The following ELP3 variants were observed in gnomAD, a reference collection of about 807,000 sequenced individuals.
ELP3 encodes the protein elongator acetyltransferase complex subunit 3.
Under a neutral mutation model 74.9 loss-of-function variants are expected in ELP3, and 56 were observed. That is an observed-to-expected ratio of 0.75 (90% CI 0.60 to 0.93). The LOEUF (loss-of-function observed/expected upper bound fraction) is 0.93. Among genes scored for constraint, ELP3 ranks in the 40% least tolerant of loss-of-function variants. ELP3 has a pLI of 0.00. For missense variants in ELP3, 573 were observed against 686.5 expected, an observed-to-expected ratio of 0.83 and a Z score of 1.85; for synonymous variants, 222 against 239.8, an observed-to-expected ratio of 0.93 and a Z score of 0.68.
upstream of ELP3, among the ~76,000 whole-genome samples, chr8:28,091,510 A>G (rs191735966): frequency 4.1e-4 from 62 of 152,354 alleles, no homozygotes; most frequent in African/African-American, 1.5e-3. Context: ...AAGCTTAGCA[A>G]GGCCAGTTTC....
chr8:28,123,004 A>G (rs534062439), intron 7 of ELP3, among the ~76,000 whole-genome samples: 1 of 152,300 alleles, frequency 6.6e-6, no homozygotes, highest in East Asian at 1.9e-4. Context: ...CGCACCTGTA[A>G]TCCCAGCTAC....
At chr8:28,152,845 C>T (rs1436441905) in intron 10 of ELP3, among the ~76,000 whole-genome samples, 1 of 152,168 alleles carries the variant, frequency 6.6e-6, no homozygotes, top group Admixed American at 6.5e-5. Context: ...ATGAAGTTTA[C>T]TTCTGTGTTT....
At chr8:28,143,422 A>G (rs146819654) in intron 10 of ELP3, among the ~76,000 whole-genome samples, 4 of 152,328 alleles carry the variant, frequency 2.6e-5, no homozygotes, top group African/African-American at 7.2e-5. Flanking sequence ...CACTTTCAAT[A>G]TATGTATTAA....
At chr8:28,091,171 GCT>G (rs929644290), upstream of ELP3, among the ~76,000 whole-genome samples, 6 of 152,118 alleles carry the variant, frequency 3.9e-5, no homozygotes, top group African/African-American at 1.4e-4. Flanking sequence ...CTCCCAAAGT[GCT>G]GGGATTACAG....
rs549520961 is a variant in ELP3, at chr8:28,114,795, T to C, written c.617+1622T>C. ...GGCCAAGATACATGCTTTTAAGGAG[T>C]TGAAATTTTATTTGAAATGCAGTAG... On this transcript the variant is annotated intron_variant, in intron 7 of 14. Transcript: ENST00000256398. Among the ~76,000 whole-genome samples, 48 of 152,048 alleles carry C rather than the reference T, an allele frequency of 3.2e-4. No individual in the cohort carries two copies. In the South Asian group the frequency reaches 9.4e-3, roughly 30 times the overall value.
upstream of ELP3, among the ~76,000 whole-genome samples, chr8:28,091,026 C>T (rs890457196): frequency 6.6e-6 from 1 of 151,630 alleles, no homozygotes; most frequent in African/African-American, 2.4e-5. Context: ...CCTGCCTCAG[C>T]CTCCCAAGTA....
chr8:28,187,939 G>A (rs1389997747), intron 14 of ELP3, among the ~76,000 whole-genome samples: 4 of 152,214 alleles, frequency 2.6e-5, no homozygotes, highest in Non-Finnish European at 5.9e-5. Context: ...GTCACAGGAA[G>A]CGCGTGCACA....
rs756261367 is a variant in ELP3 at position 28,137,755 on chromosome 8, G to A, written c.964G>A (p.Val322Met). 1 of 1,614,060 alleles carries A rather than the reference G, an allele frequency of 6.2e-7. No homozygotes were observed. The highest frequency in any genetic ancestry group is 1.1e-5 in the South Asian group (1 of 91,050). ...TGGGCTGAAACTCTATCCTACCCTG[G>A]TGATTCGTGGGACCGGGCTTTATGA... ...PDGLKLYPTL[V>M]IRGTGLYELW... is the part of the protein sequence containing the mutation. The change falls in exon 10 of 15, where the codon GTG becomes ATG. Residue 322 changes from valine (V) to methionine (M), a missense_variant. Coordinates refer to ENST00000256398, the MANE Select transcript of ELP3 (RefSeq NM_018091.6).
At chr8:28,165,723 C>T (rs1413851426) in intron 14 of ELP3, among the ~76,000 whole-genome samples, 1 of 152,144 alleles carries the variant, frequency 6.6e-6, no homozygotes, top group Non-Finnish European at 1.5e-5. Flanking sequence ...GGTTTATGAT[C>T]TTGGATTCAG....
intron 14 of ELP3, among the ~76,000 whole-genome samples, chr8:28,180,688 G>C (rs567067513): frequency 6.6e-6 from 1 of 152,148 alleles, no homozygotes; most frequent in Non-Finnish European, 1.5e-5. Context: ...TTCCTCCAAG[G>C]AAGACCTGTT....
At chr8:28,114,408 A>G (rs986009872) in intron 7 of ELP3, among the ~76,000 whole-genome samples, 5 of 152,310 alleles carry the variant, frequency 3.3e-5, no homozygotes, top group Admixed American at 2.0e-4. Flanking sequence ...CAGGCTTCAC[A>G]TGAAGCATAG....
chr8:28,101,097 TTTG>T (rs1811461904), intron 3 of ELP3, among the ~76,000 whole-genome samples: 1 of 151,294 alleles, frequency 6.6e-6, no homozygotes, highest in Admixed American at 6.6e-5. Flanking sequence ...GTGTTTTTGT[TTTG>T]TTTTGTTTGT....
intron 6 of ELP3, 117 bp downstream of exon 6, chr8:28,110,555 T>C (rs1811877187): frequency 3.3e-6 from 3 of 918,078 alleles, no homozygotes; most frequent in Middle Eastern, 2.4e-4. Flanking sequence ...TTTTCCTCTT[T>C]GTAAGTTTTC....
intron 7 of ELP3, among the ~76,000 whole-genome samples, chr8:28,128,167 G>A (rs1812653187): frequency 1.3e-5 from 2 of 152,092 alleles, no homozygotes; most frequent in Admixed American, 6.6e-5. Context: ...GAAGAATGAT[G>A]GGGTTCTAAG....
chr8:28,184,512 T>A (rs2130617832), intron 14 of ELP3, among the ~76,000 whole-genome samples: 1 of 152,290 alleles, frequency 6.6e-6, no homozygotes, highest in South Asian at 2.1e-4. Context: ...TGAGAAATGC[T>A]TAGATGTACC....
At chr8:28,115,917 A>G (rs369726638) in intron 7 of ELP3, among the ~76,000 whole-genome samples, 1 of 152,200 alleles carries the variant, frequency 6.6e-6, no homozygotes, top group Admixed American at 6.5e-5. Context: ...TGAGGGTTTC[A>G]TATAGCTAAT....
chr8:28,110,669 GT>G (rs956145382), intron 6 of ELP3: 46 of 393,282 alleles, frequency 1.2e-4, no homozygotes, highest in African/African-American at 9.5e-4. Context: ...TATTCTCTAA[GT>G]TTTTTTGAAT....
intron 7 of ELP3, among the ~76,000 whole-genome samples, chr8:28,121,394 A>G (rs967274951): frequency 6.7e-6 from 1 of 148,212 alleles, no homozygotes; most frequent in Non-Finnish European, 1.5e-5. Context: ...ATCTCAGCTC[A>G]CTGCAACCTG....
At chr8:28,119,464 A>G (rs540618238) in intron 7 of ELP3, among the ~76,000 whole-genome samples, 3 of 150,704 alleles carry the variant, frequency 2.0e-5, no homozygotes, top group East Asian at 3.9e-4. Context: ...GCTTCAGTAC[A>G]CTTCTCCCGG....
Sources: gnomAD v4.1 joint callset for allele counts (sites outside exome capture counted in the v4.1 genomes callset) on GRCh38, gnomAD v4.1.1 for gene constraint, MANE v1.5 for transcripts, NCBI Gene and HGNC (gene_info 2026-07-23, HGNC 2026-07-21) for gene names.